The following KCTD3 variants were observed in gnomAD, a reference collection of about 807,000 sequenced individuals.
KCTD3 encodes the protein potassium channel tetramerization domain containing 3, also known as BTB/POZ domain-containing protein KCTD3.
Under a neutral mutation model 85.8 loss-of-function variants are expected in KCTD3, and 41 were observed. The observed-to-expected ratio is 0.48, with a 90% CI of 0.37 to 0.62. The LOEUF (loss-of-function observed/expected upper bound fraction) is 0.62, where lower values mean the gene tolerates loss of function less well. Among genes scored for constraint, KCTD3 ranks in the 20% least tolerant of loss-of-function variants. KCTD3 has a pLI of 0.00. For synonymous variants in KCTD3, 338 were observed against 345.4 expected (o/e 0.98, Z 0.24); for missense variants, 724 against 989.9 (o/e 0.73, Z 3.60).
chr1:215,596,187 C>A (rs1308517344), intron 10 of KCTD3, among the ~76,000 whole-genome samples: 1 of 152,082 alleles, frequency 6.6e-6, no homozygotes, highest in African/African-American at 2.4e-5. Context: ...TTTTGGGTTT[C>A]TAGTTTGACA....
chr1:215,576,066 T>G, intron 4 of KCTD3, 92 bp downstream of exon 4: 1 of 767,216 alleles, frequency 1.3e-6, no homozygotes, highest in East Asian at 2.9e-5. Flanking sequence ...TTTGTTTGTT[T>G]TTTTTTTTCC....
chr1:215,577,587 G>A lies in KCTD3; in HGVS notation c.258-83G>A, dbSNP rs1659636792. The A allele has an allele frequency of 4.8e-6, 4 of 832,114 alleles. No individual in the cohort carries two copies. The Admixed American group carries it at 5.3e-5, about 11-fold the overall frequency. 51.5% of individuals were successfully genotyped at this position (832,114 alleles called of 1,614,324 possible). A position where few individuals can be genotyped will look rare whatever the true frequency, so the allele number is the denominator to read the frequency against. On this transcript the variant is annotated intron_variant, in intron 4 of 17. Coordinates refer to ENST00000259154, the MANE Select transcript of KCTD3 (RefSeq NM_016121.5). The stretch of plus-strand genomic sequence containing the variant: ...AAAGCCTTATGACTATATACATGAA[G>A]AACCTAGAATTTTTTCCTTTCATGT...
intron 8 of KCTD3, among the ~76,000 whole-genome samples, chr1:215,584,952 G>A (rs542673431): frequency 9.2e-5 from 14 of 152,228 alleles, no homozygotes; most frequent in South Asian, 8.3e-4. Flanking sequence ...GCAAAATCTC[G>A]AAAGAAAAGT....
At chr1:215,576,858 GC>G (rs1659606979) in intron 4 of KCTD3, among the ~76,000 whole-genome samples, 1 of 151,938 alleles carries the variant, frequency 6.6e-6, no homozygotes, top group Non-Finnish European at 1.5e-5. Flanking sequence ...GTGAGCCACC[GC>G]CCCCAGACAC....
At position 215,580,857 on chromosome 1, in the gene KCTD3, A is replaced by T. The variant is rs545602949; in HGVS notation, c.626+858A>T. On this transcript the variant is annotated intron_variant, in intron 8 of 17. Transcript: ENST00000259154. Reference sequence around the variant, plus strand: ...AGAATCCCAGATGTATTTTTTTTTTAAAAATCTGAATTTATGAAAGGTTTG... The same window carrying T: ...AGAATCCCAGATGTATTTTTTTTTTTAAAATCTGAATTTATGAAAGGTTTG... 5.0e-4 allele frequency: 163 copies of T among 323,216 alleles called. 1 individual carries two copies. Among genetic ancestry groups the T allele is most frequent in the Admixed American group, 2.8e-3 (64 of 22,874 alleles). The allele number at this position is 323,216 out of a possible 1,614,324, so 20.0% of individuals were successfully genotyped here.
chr1:215,604,912 A>AATC (rs145763343), intron 13 of KCTD3, among the ~76,000 whole-genome samples: 4,127 of 152,070 alleles, frequency 0.027, 178 homozygotes, highest in African/African-American at 0.093. Context: ...AGTTCTTCAT[A>AATC]ATATAAAATT....
chr1:215,587,139 T>TC (rs1370523814), intron 9 of KCTD3, among the ~76,000 whole-genome samples: 1 of 151,752 alleles, frequency 6.6e-6, no homozygotes, highest in Non-Finnish European at 1.5e-5. Context: ...TTTCCTTTTT[T>TC]TTTTTTTTGA....
intron 1 of KCTD3, among the ~76,000 whole-genome samples, chr1:215,569,709 T>C (rs979419296): frequency 6.6e-5 from 10 of 151,820 alleles, no homozygotes; most frequent in African/African-American, 2.4e-4. Flanking sequence ...CATTCTCCTG[T>C]CTCAGCCTGG....
chr1:215,601,643 T>TA (rs1247528593), intron 10 of KCTD3, among the ~76,000 whole-genome samples: 1 of 151,948 alleles, frequency 6.6e-6, no homozygotes, highest in Admixed American at 6.6e-5. Context: ...AAATACAATT[T>TA]AAAAAAAATA....
chr1:215,568,041 G>A (rs770119890), intron 1 of KCTD3, among the ~76,000 whole-genome samples: 3 of 152,210 alleles, frequency 2.0e-5, no homozygotes, highest in Admixed American at 6.5e-5. Context: ...GCCAACCTTT[G>A]CCCCTCCCAA....
chr1:215,619,089 A>C lies in KCTD3; in HGVS notation c.1747+19A>C, dbSNP rs748411649. 8 of 1,609,452 alleles carry C rather than the reference A, an allele frequency of 5.0e-6. No homozygotes were observed. The highest frequency in any genetic ancestry group is 5.9e-6 in the Non-Finnish European group (7 of 1,176,948). Reference sequence around the variant, plus strand: ...GATAAGGGTAGGTTCTCATACAGAAAGATGTTTGTCACAAGGTTAAGCTTT... The same window carrying C: ...GATAAGGGTAGGTTCTCATACAGAACGATGTTTGTCACAAGGTTAAGCTTT... On this transcript the variant is annotated intron_variant, in intron 16 of 17. Coordinates refer to ENST00000259154, the MANE Select transcript of KCTD3 (RefSeq NM_016121.5).
chr1:215,620,845 A>T lies in KCTD3; in HGVS notation c.*227A>T, dbSNP rs1387009595. 6.5e-6 allele frequency: 3 copies of T among 465,084 alleles called. No individual in the cohort carries two copies. Among genetic ancestry groups the T allele is most frequent in the Admixed American group, 3.9e-5 (1 of 25,672 alleles). 28.8% of individuals were successfully genotyped at this position (465,084 alleles called of 1,614,324 possible). A position where few individuals can be genotyped will look rare whatever the true frequency, so the allele number is the denominator to read the frequency against. On this transcript the variant is annotated 3_prime_UTR_variant, in exon 18 of 18. Coordinates refer to ENST00000259154, the MANE Select transcript of KCTD3 (RefSeq NM_016121.5). ...AAGTACATTTAACAGATCATTTATAAAGCAGGAGTCCATTTTAACACTTAC... is the reference window on the plus strand; with the variant it reads ...AAGTACATTTAACAGATCATTTATATAGCAGGAGTCCATTTTAACACTTAC...
intron 2 of KCTD3, 101 bp from the exon 3 acceptor site, chr1:215,573,972 G>T: frequency 9.9e-7 from 1 of 1,011,484 alleles, no homozygotes; most frequent in Non-Finnish European, 1.5e-6. Flanking sequence ...TTGGAAGATA[G>T]ATAACTTACT....
chr1:215,593,583 A>G (rs1477926737), intron 9 of KCTD3, among the ~76,000 whole-genome samples: 1 of 152,214 alleles, frequency 6.6e-6, no homozygotes, highest in Non-Finnish European at 1.5e-5. Context: ...CTTTTAAAGC[A>G]TGTTATATTT....
Position 215,606,988 on chromosome 1 carries a change from A to G in KCTD3, c.1310-1029A>G, listed in dbSNP as rs184195443. ...CCGTGAAACTAAATAGCCTAGAACA[A>G]AATGTCCCCTTTTCACCAGAAAACT... On this transcript the variant is annotated intron_variant, in intron 13 of 17. Transcript: ENST00000259154. Among the ~76,000 whole-genome samples the G allele has an allele frequency of 5.4e-4, 82 of 152,098 alleles. 1 individual carries two copies. In the East Asian group the frequency reaches 0.015, roughly 28 times the overall value.
intron 9 of KCTD3, among the ~76,000 whole-genome samples, chr1:215,587,470 A>G (rs1469384243): frequency 6.6e-6 from 1 of 152,218 alleles, no homozygotes; most frequent in Non-Finnish European, 1.5e-5. Context: ...TATATTAGAA[A>G]TTAAAATGGA....
In KCTD3 at chr1:215,595,358, G is replaced by C. The variant is rs767618101; in HGVS notation, c.820G>C (p.Val274Leu). Reference protein sequence around the residue: ...QDGGSGSEIGVFSLGVPVDAL... With the variant: ...QDGGSGSEIGLFSLGVPVDAL... ...TTTATTTTTTATTGTCATTTAAGGA[G>C]TGTTCAGCCTGGGTGTTCCTGTAGA... Residue 274 changes from valine (V) to leucine (L), a missense_variant and splice_region_variant, in exon 10 of 18, where the codon GTG (valine) becomes CTG (leucine). Val to Leu is a conservative substitution (Grantham distance 32). Coordinates refer to ENST00000259154, the MANE Select transcript of KCTD3 (RefSeq NM_016121.5). 6.3e-7 allele frequency: 1 copy of C among 1,582,774 alleles called. No homozygotes were observed. Among genetic ancestry groups the C allele is most frequent in the South Asian group, 1.1e-5 (1 of 90,354 alleles).
chr1:215,586,621 T>C lies in KCTD3; in HGVS notation c.753T>C (p.Ala251=). The change falls in exon 9 of 18, where the codon GCT becomes GCC. Residue 251 remains alanine, a synonymous_variant. Transcript: ENST00000259154. ...ATGGAGACAAAGACAAAATGGTTGC[T>C]GTTGCCTCAGAGAGTAGCATCATCT... ...GPHGDKDKMV[A]VASESSIILW... The C allele has an allele frequency of 1.2e-6, 2 of 1,614,168 alleles. No homozygotes were observed. Among genetic ancestry groups the C allele is most frequent in the South Asian group, 2.2e-5 (2 of 91,086 alleles).
At chr1:215,600,112 A>G (rs574192266) in intron 10 of KCTD3, among the ~76,000 whole-genome samples, 1 of 152,232 alleles carries the variant, frequency 6.6e-6, no homozygotes, top group African/African-American at 2.4e-5. Flanking sequence ...TATCACTGAA[A>G]AGTACTCAAT....
Sources: allele counts gnomAD v4.1 joint callset (sites outside exome capture counted in the v4.1 genomes callset), GRCh38; gene constraint gnomAD v4.1.1; transcripts MANE v1.5; gene names NCBI Gene and HGNC (gene_info 2026-07-23, HGNC 2026-07-21).